Variants in ABLIM1 observed in about 807,000 individuals in gnomAD.
The protein encoded by ABLIM1 is actin binding LIM protein 1.
A neutral mutation model predicts 107.0 loss-of-function variants in ABLIM1; 40 were observed. The ratio of observed to expected loss-of-function variants is 0.37; its 90% confidence interval spans 0.29 to 0.49. ABLIM1 has a LOEUF of 0.49. ABLIM1 is among the 20% of genes least tolerant of loss of function. The pLI, the probability that ABLIM1 is intolerant of heterozygous loss-of-function variation, is 0.97. For synonymous variants in ABLIM1, 357 were observed against 357.3 expected, an observed-to-expected ratio of 1.00 and a Z score of 0.01; for missense variants, 857 against 1,008.5, an observed-to-expected ratio of 0.85 and a Z score of 2.04.
At chr10:114,493,450 C>T (rs936275281) in intron 6 of ABLIM1, among the ~76,000 whole-genome samples, 6 of 152,256 alleles carry the variant, frequency 3.9e-5, no homozygotes, top group East Asian at 3.9e-4. Context: ...AGTGGTGAAA[C>T]GTTCGAGGCA....
At chr10:114,583,468 C>CATATATATATATATATAT (rs140129654) in intron 2 of ABLIM1, among the ~76,000 whole-genome samples, 39 of 15,008 alleles carry the variant, frequency 2.6e-3, no homozygotes, top group South Asian at 6.1e-3. Flanking sequence ...CACACACACA[C>CATATATATATATATATAT]ATATATATAT....
intron 1 of ABLIM1, among the ~76,000 whole-genome samples, chr10:114,705,912 AT>A (rs776707104): frequency 9.9e-5 from 15 of 152,218 alleles, no homozygotes; most frequent in Non-Finnish European, 2.1e-4. Flanking sequence ...TTGTTAATAC[AT>A]TTCACCAGGT....
chr10:114,612,225 A>T (rs895190168), intron 1 of ABLIM1, among the ~76,000 whole-genome samples: 1 of 152,210 alleles, frequency 6.6e-6, no homozygotes, highest in Non-Finnish European at 1.5e-5. Flanking sequence ...GATTAATGCC[A>T]TCACAGCAGG....
chr10:114,439,545 A>G, intron 20 of ABLIM1: 1 of 488,028 alleles, frequency 2.0e-6, no homozygotes, highest in Non-Finnish European at 3.7e-6. Flanking sequence ...CAAGTCTATT[A>G]TTGTTAGTTT....
chr10:114,581,049 G>A (rs556813826), intron 2 of ABLIM1, among the ~76,000 whole-genome samples: 1 of 152,156 alleles, frequency 6.6e-6, no homozygotes, highest in Non-Finnish European at 1.5e-5. Context: ...AAAAAGTCCT[G>A]TGCCTTGTGG....
At chr10:114,768,117 C>G (rs1417150641), upstream of ABLIM1, 1 of 399,182 alleles carries the variant, frequency 2.5e-6, no homozygotes, top group South Asian at 1.7e-5. Context: ...TTGGACAGCC[C>G]CGCAGGGCGC....
rs748975829 is a variant in ABLIM1, at chr10:114,473,867, G to A, written c.1119+12C>T. 1 of 1,597,686 alleles carries A rather than the reference G, an allele frequency of 6.3e-7. No homozygotes were observed. Among genetic ancestry groups the A allele is most frequent in the Non-Finnish European group, 8.6e-7 (1 of 1,166,906 alleles). On this transcript the variant is annotated intron_variant, in intron 9 of 22. Transcript: ENST00000533213. ...TGTCCCAGAAATGTCACTTCCAGAA[G>A]TAGATACTTACATAGATAGTATGAC...
At chr10:114,788,341 A>AT in the ABLIM1 span, among the ~76,000 whole-genome samples, 9,184 of 132,938 alleles carry the variant, frequency 0.069, 339 homozygotes, top group African/African-American at 0.11. Flanking sequence ...AAATAAAAAA[A>AT]AAAAAAATAA....
At chr10:114,474,454 C>G (rs2067199067) in intron 8 of ABLIM1, among the ~76,000 whole-genome samples, 1 of 146,836 alleles carries the variant, frequency 6.8e-6, no homozygotes. Flanking sequence ...GATCTTGGCT[C>G]ACTGCAAGCT....
intron 1 of ABLIM1, among the ~76,000 whole-genome samples, chr10:114,643,604 G>A (rs1427010148): frequency 7.1e-6 from 1 of 140,738 alleles, no homozygotes; most frequent in South Asian, 2.3e-4. Flanking sequence ...TTGAGATAGT[G>A]TCTCACTCTG....
intron 6 of ABLIM1, among the ~76,000 whole-genome samples, chr10:114,504,926 CTT>C (rs2060924450): frequency 6.6e-6 from 1 of 152,164 alleles, no homozygotes; most frequent in Non-Finnish European, 1.5e-5. Flanking sequence ...TATAAATTCA[CTT>C]TGAGTCATAT....
At chr10:114,571,650 A>C (rs1340117676) in intron 3 of ABLIM1, among the ~76,000 whole-genome samples, 1 of 152,188 alleles carries the variant, frequency 6.6e-6, no homozygotes, top group Non-Finnish European at 1.5e-5. Context: ...AAATGGAATG[A>C]TTTACCTCCA....
chr10:114,462,595 A>T (rs1313551101), intron 12 of ABLIM1, among the ~76,000 whole-genome samples: 1 of 152,192 alleles, frequency 6.6e-6, no homozygotes, highest in Non-Finnish European at 1.5e-5. Flanking sequence ...CTGCCCAAAC[A>T]TGTTAATATG....
intron 8 of ABLIM1, among the ~76,000 whole-genome samples, chr10:114,477,543 T>C (rs1249956515): frequency 6.6e-6 from 1 of 152,206 alleles, no homozygotes; most frequent in Non-Finnish European, 1.5e-5. Context: ...ATGATGCACC[T>C]GGGGATGGCT....
chr10:114,706,092 G>A (rs1488114651), intron 1 of ABLIM1, among the ~76,000 whole-genome samples: 1 of 152,178 alleles, frequency 6.6e-6, no homozygotes. Context: ...CCTTCTTGAT[G>A]ACAATCTCAG....
chr10:114,694,522 T>C (rs577434298), intron 1 of ABLIM1, among the ~76,000 whole-genome samples: 2 of 152,288 alleles, frequency 1.3e-5, no homozygotes, highest in South Asian at 4.1e-4. Context: ...ACTCACTAGT[T>C]GGGTGATTTA....
intron 2 of ABLIM1, among the ~76,000 whole-genome samples, chr10:114,598,553 A>C (rs998369542): frequency 6.6e-6 from 1 of 152,138 alleles, no homozygotes; most frequent in Non-Finnish European, 1.5e-5. Context: ...ACGCCATTGC[A>C]CTCCAGCCTG....
At chr10:114,444,996 C>T (rs1379578460) in intron 16 of ABLIM1, among the ~76,000 whole-genome samples, 1 of 152,238 alleles carries the variant, frequency 6.6e-6, no homozygotes, top group East Asian at 1.9e-4. Flanking sequence ...CCTGGCCCTC[C>T]AGCAGCCTTT....
At chr10:114,537,861 G>T (rs1342426963) in intron 6 of ABLIM1, among the ~76,000 whole-genome samples, 1 of 152,188 alleles carries the variant, frequency 6.6e-6, no homozygotes, top group Non-Finnish European at 1.5e-5. Context: ...TTAGCCTTCA[G>T]CATGGACACG....
Sources: gnomAD v4.1 joint callset for allele counts (sites outside exome capture counted in the v4.1 genomes callset) on GRCh38, gnomAD v4.1.1 for gene constraint, MANE v1.5 for transcripts, NCBI Gene and HGNC (gene_info 2026-07-23, HGNC 2026-07-21) for gene names.